The following NREP variants were observed in gnomAD, a reference collection of about 807,000 sequenced individuals.
NREP encodes neuronal regeneration-related protein.
In NREP, 5 loss-of-function variants were observed where a neutral mutation model predicts 8.6. The ratio of observed to expected loss-of-function variants is 0.58; its 90% confidence interval spans 0.30 to 1.22. The LOEUF (loss-of-function observed/expected upper bound fraction) is 1.22, where lower values mean the gene tolerates loss of function less well. Among genes scored for constraint, NREP ranks in the 50% most tolerant of loss-of-function variants. NREP has a pLI of 0.07. For missense variants in NREP, 86 were observed against 82.5 expected (o/e 1.04, Z -0.17); for synonymous variants, 27 against 28.0 (o/e 0.96, Z 0.11).
At chr5:111,749,820 A>G (rs532359061) in intron 2 of NREP, among the ~76,000 whole-genome samples, 8 of 152,274 alleles carry the variant, frequency 5.3e-5, no homozygotes, top group African/African-American at 1.9e-4. Flanking sequence ...CAAGAAAAGG[A>G]TAAGCATGCT....
At chr5:111,925,860 G>C (rs11745837) in intron 2 of NREP, among the ~76,000 whole-genome samples, 15,219 of 152,202 alleles carry the variant, frequency 0.1, 1,142 homozygotes, top group African/African-American at 0.21. Flanking sequence ...AGGGGGTATT[G>C]CTTCTCTCCC....
chr5:111,970,314 T>C (rs2112669585), intron 2 of NREP, among the ~76,000 whole-genome samples: 1 of 152,294 alleles, frequency 6.6e-6, no homozygotes, highest in African/African-American at 2.4e-5. Context: ...TACATCGCTG[T>C]CAAAATGATG....
At chr5:111,883,839 T>C (rs1464306388) in intron 2 of NREP, among the ~76,000 whole-genome samples, 1 of 151,476 alleles carries the variant, frequency 6.6e-6, no homozygotes, top group Non-Finnish European at 1.5e-5. Flanking sequence ...TAGAGGGAAA[T>C]TTATAGCACT....
Position 111,827,100 on chromosome 5 carries a change from T to G in NREP, c.136-91593A>C, listed in dbSNP as rs974649282. ...CTAGATATTTTCTTAAACACTAATTTTGATTGCTTGTTAGTAGTCGGCTTT... is the reference window on the plus strand; with the variant it reads ...CTAGATATTTTCTTAAACACTAATTGTGATTGCTTGTTAGTAGTCGGCTTT... On this transcript the variant is annotated intron_variant, in intron 2 of 3. Coordinates refer to the NREP transcript ENST00000395634. Among the ~76,000 whole-genome samples, 6 of 152,242 alleles carry G rather than the reference T, an allele frequency of 3.9e-5. 1 individual carries two copies. The highest frequency in any genetic ancestry group is 5.9e-5 in the Non-Finnish European group (4 of 68,054).
intron 2 of NREP, among the ~76,000 whole-genome samples, chr5:111,829,906 C>A (rs1290903828): frequency 1.3e-5 from 2 of 152,182 alleles, no homozygotes; most frequent in African/African-American, 4.8e-5. Flanking sequence ...GACTACTATA[C>A]CAGCTCTTAC....
At chr5:111,969,134 T>C (rs892830659) in intron 2 of NREP, among the ~76,000 whole-genome samples, 3 of 152,216 alleles carry the variant, frequency 2.0e-5, no homozygotes, top group Non-Finnish European at 2.9e-5. Flanking sequence ...TAATGGAAGA[T>C]TGCCAGCCTA....
chr5:111,913,418 AG>A (rs1377449590), intron 2 of NREP, among the ~76,000 whole-genome samples: 1 of 152,116 alleles, frequency 6.6e-6, no homozygotes, highest in Non-Finnish European at 1.5e-5. Flanking sequence ...GTTTCCTAGC[AG>A]AAGAAAAAGA....
At chr5:111,776,387 C>T (rs1751358099) in intron 2 of NREP, among the ~76,000 whole-genome samples, 1 of 152,074 alleles carries the variant, frequency 6.6e-6, no homozygotes, top group Non-Finnish European at 1.5e-5. Flanking sequence ...AAAATTGGAA[C>T]ATCTATTTTG....
chr5:111,824,013 T>C (rs1005505258), intron 2 of NREP, among the ~76,000 whole-genome samples: 2 of 152,194 alleles, frequency 1.3e-5, no homozygotes, highest in East Asian at 1.9e-4. Context: ...ATGAAATTAA[T>C]ACTGATTTTT....
chr5:111,949,918 G>A (rs1302634021), intron 2 of NREP, among the ~76,000 whole-genome samples: 4 of 152,074 alleles, frequency 2.6e-5, no homozygotes, highest in Non-Finnish European at 5.9e-5. Context: ...ATGGTAGAAT[G>A]ATTTATAATC....
At chr5:111,809,079 C>A (rs757440740) in intron 2 of NREP, among the ~76,000 whole-genome samples, 2 of 152,166 alleles carry the variant, frequency 1.3e-5, no homozygotes, top group East Asian at 1.9e-4. Context: ...TCTTTTAATG[C>A]CACTTTAATG....
At chr5:111,749,678 C>T (rs554553272) in intron 2 of NREP, among the ~76,000 whole-genome samples, 1 of 152,294 alleles carries the variant, frequency 6.6e-6, no homozygotes, top group Non-Finnish European at 1.5e-5. Context: ...CACATGCCAG[C>T]ACCCAGTCAG....
intron 2 of NREP, among the ~76,000 whole-genome samples, chr5:111,878,534 T>A (rs1242115582): frequency 6.6e-6 from 1 of 152,180 alleles, no homozygotes; most frequent in Non-Finnish European, 1.5e-5. Flanking sequence ...GTGGGGATTA[T>A]GGGGATTACA....
chr5:111,761,625 G>A (rs72780114), upstream of NREP, among the ~76,000 whole-genome samples: 32 of 152,216 alleles, frequency 2.1e-4, no homozygotes, highest in Admixed American at 3.3e-4. Flanking sequence ...GGAACAGATC[G>A]CAGGATACAT....
At chr5:111,881,931 C>T (rs1048612555) in intron 2 of NREP, among the ~76,000 whole-genome samples, 1 of 152,216 alleles carries the variant, frequency 6.6e-6, no homozygotes, top group African/African-American at 2.4e-5. Context: ...ACCTCTCCTC[C>T]TCCAAAGGAT....
At chr5:111,975,907 G>T (rs1456817338) in intron 1 of NREP, among the ~76,000 whole-genome samples, 3 of 152,090 alleles carry the variant, frequency 2.0e-5, no homozygotes, top group African/African-American at 7.2e-5. Flanking sequence ...TGTATTCTTT[G>T]TCAGTGTCTC....
intron 2 of NREP, among the ~76,000 whole-genome samples, chr5:111,851,680 C>T (rs745325876): frequency 6.6e-6 from 1 of 151,888 alleles, no homozygotes; most frequent in Non-Finnish European, 1.5e-5. Flanking sequence ...ACAAAATTTC[C>T]CTTAGAAAGA....
At chr5:111,878,411 G>A (rs1753963777) in intron 2 of NREP, among the ~76,000 whole-genome samples, 1 of 152,072 alleles carries the variant, frequency 6.6e-6, no homozygotes, top group Admixed American at 6.5e-5. Flanking sequence ...GGAATGGTCA[G>A]GCACTTATAA....
chr5:111,844,131 T>C (rs546597749), intron 2 of NREP, among the ~76,000 whole-genome samples: 1 of 152,282 alleles, frequency 6.6e-6, no homozygotes, highest in Admixed American at 6.5e-5. Context: ...ATAAAATATA[T>C]GTTTAAAAAG....
Sources: allele counts gnomAD v4.1 joint callset (sites outside exome capture counted in the v4.1 genomes callset), GRCh38; gene constraint gnomAD v4.1.1; transcripts MANE v1.5; gene names NCBI Gene and HGNC (gene_info 2026-07-23, HGNC 2026-07-21).